VANGL1: variants seen among roughly 807,000 people sequenced by gnomAD.
The protein encoded by VANGL1 is vang-like protein 1.
Under a neutral mutation model 48.4 loss-of-function variants are expected in VANGL1, and 18 were observed. The ratio of observed to expected loss-of-function variants is 0.37; its 90% CI spans 0.26 to 0.55. The LOEUF (loss-of-function observed/expected upper bound fraction) is 0.55, where lower values mean the gene tolerates loss of function less well. Among genes scored for constraint, VANGL1 ranks in the 20% least tolerant of loss-of-function variants. The pLI is 0.81. For synonymous variants in VANGL1, 257 were observed against 261.8 expected, an observed-to-expected ratio of 0.98 and a Z score of 0.18; for missense variants, 667 against 675.8, an observed-to-expected ratio of 0.99 and a Z score of 0.14.
At chr1:115,686,395 ATC>A (rs1472833679) in intron 7 of VANGL1, among the ~76,000 whole-genome samples, 10 of 143,652 alleles carry the variant, frequency 7.0e-5, no homozygotes, top group Non-Finnish European at 1.4e-4. Context: ...AAAAAATGCC[ATC>A]AGGCATTTTG....
chr1:115,655,297 G>T (rs1652302980), intron 2 of VANGL1, among the ~76,000 whole-genome samples: 1 of 152,212 alleles, frequency 6.6e-6, no homozygotes, highest in East Asian at 1.9e-4. Flanking sequence ...ATCTTCCCAG[G>T]AAATGCTGAC....
At chr1:115,644,707 A>G (rs1447371435) in intron 1 of VANGL1, among the ~76,000 whole-genome samples, 1 of 152,222 alleles carries the variant, frequency 6.6e-6, no homozygotes, top group Non-Finnish European at 1.5e-5. Context: ...AAGTTTAAAT[A>G]TCTGGCAGGG....
rs1557778504 is a variant in VANGL1 at position 115,691,191 on chromosome 1, T to G, written c.1387T>G (p.Trp463Gly). The G allele has an allele frequency of 6.2e-7, 1 of 1,613,946 alleles. No homozygotes were observed. Among genetic ancestry groups the G allele is most frequent in the Non-Finnish European group, 8.5e-7 (1 of 1,179,902 alleles). ...CAAGGACCGCTGGCTCTCTACACAGTGGAGGCTTGTCAGTGATGAGGCTGT... is the reference window on the plus strand; with the variant it reads ...CAAGGACCGCTGGCTCTCTACACAGGGGAGGCTTGTCAGTGATGAGGCTGT... The part of the protein sequence containing the change: ...YDKDRWLSTQ[W>G]RLVSDEAVTN... The change falls in exon 8 of 8, where the codon TGG becomes GGG. Residue 463 changes from tryptophan to glycine, a missense_variant. Trp to Gly is a radical substitution (Grantham distance 184). Coordinates refer to ENST00000355485, the MANE Select transcript of VANGL1 (RefSeq NM_138959.3).
At chr1:115,691,031 T>C (rs1198215681) in intron 7 of VANGL1, 88 bp from the exon 8 acceptor site, 12 of 1,590,784 alleles carry the variant, frequency 7.5e-6, no homozygotes, top group African/African-American at 6.7e-5. Flanking sequence ...AAAAGTTCTT[T>C]ATAGATGTGA....
intron 4 of VANGL1, among the ~76,000 whole-genome samples, chr1:115,671,707 G>A (rs949035559): frequency 3.9e-5 from 6 of 152,224 alleles, no homozygotes; most frequent in Admixed American, 3.9e-4. Flanking sequence ...GACTGTGTAA[G>A]GAAATGGCAG....
chr1:115,651,713 A>G (rs559292546), intron 2 of VANGL1, among the ~76,000 whole-genome samples: 1 of 152,080 alleles, frequency 6.6e-6, no homozygotes, highest in African/African-American at 2.4e-5. Context: ...TTGGTTTTAA[A>G]TTAAAGTTTC....
At chr1:115,679,453 C>T (rs1293887554) in intron 4 of VANGL1, among the ~76,000 whole-genome samples, 2 of 152,216 alleles carry the variant, frequency 1.3e-5, no homozygotes, top group Non-Finnish European at 2.9e-5. Context: ...GGGCTGTGGA[C>T]TTGGCTTATT....
intron 4 of VANGL1, among the ~76,000 whole-genome samples, chr1:115,680,440 A>G (rs1369170822): frequency 2.0e-5 from 3 of 152,222 alleles, no homozygotes; most frequent in African/African-American, 4.8e-5. Flanking sequence ...TGACGAGTGA[A>G]CAACTGAGTA....
intron 4 of VANGL1, among the ~76,000 whole-genome samples, chr1:115,666,351 A>T (rs1301258777): frequency 6.6e-6 from 1 of 152,190 alleles, no homozygotes; most frequent in Non-Finnish European, 1.5e-5. Flanking sequence ...TGCACACTGC[A>T]TCTGAGTGGG....
At chr1:115,649,716 A>G (rs1175782172) in intron 1 of VANGL1, among the ~76,000 whole-genome samples, 2 of 152,230 alleles carry the variant, frequency 1.3e-5, no homozygotes, top group East Asian at 1.9e-4. Flanking sequence ...CTGATAGCTA[A>G]TAAGTGAGTA....
At chr1:115,684,765 G>C (rs905022452) in intron 6 of VANGL1, among the ~76,000 whole-genome samples, 1 of 152,176 alleles carries the variant, frequency 6.6e-6, no homozygotes, top group African/African-American at 2.4e-5. Flanking sequence ...TTCACCGTCA[G>C]GTCATATTCA....
intron 1 of VANGL1, among the ~76,000 whole-genome samples, chr1:115,643,196 T>TA (rs1557759255): frequency 6.6e-6 from 1 of 152,210 alleles, no homozygotes; most frequent in Non-Finnish European, 1.5e-5. Flanking sequence ...TAACAAACTG[T>TA]AAAAGAATCT....
rs756854094 is a variant in VANGL1 at position 115,659,778 on chromosome 1, G to T, written c.204+5G>T. 2 of 1,614,174 alleles carry T rather than the reference G, an allele frequency of 1.2e-6. No homozygotes were observed. The highest frequency in any genetic ancestry group is 2.7e-5 in the African/African-American group (2 of 75,048). ...ACTCGGACAGAGGAAGTTCAGGTAAGGATCAAAGGTGGTCTGTAAGCACAC... is the reference window on the plus strand; with the variant it reads ...ACTCGGACAGAGGAAGTTCAGGTAATGATCAAAGGTGGTCTGTAAGCACAC... On this transcript the variant is annotated splice_donor_5th_base_variant and intron_variant, in intron 3 of 7. Coordinates refer to ENST00000355485, the MANE Select transcript of VANGL1 (RefSeq NM_138959.3).
At chr1:115,679,937 GA>G (rs1448816571) in intron 4 of VANGL1, among the ~76,000 whole-genome samples, 1 of 151,556 alleles carries the variant, frequency 6.6e-6, no homozygotes, top group African/African-American at 2.4e-5. Context: ...AGGCACTCCA[GA>G]AAAGGCATGC....
chr1:115,672,223 T>TC (rs537335451), intron 4 of VANGL1, among the ~76,000 whole-genome samples: 43 of 152,306 alleles, frequency 2.8e-4, no homozygotes, highest in African/African-American at 9.6e-4. Flanking sequence ...TGATTCCACT[T>TC]CCTTGGCGCT....
chr1:115,655,062 G>A (rs973209369), intron 2 of VANGL1, among the ~76,000 whole-genome samples: 4 of 152,220 alleles, frequency 2.6e-5, no homozygotes, highest in African/African-American at 7.2e-5. Context: ...CCGGGGCAGT[G>A]AGGAATTGGT....
At position 115,691,127 on chromosome 1, in the gene VANGL1, A is replaced by G. The variant is rs893802026; in HGVS notation, c.1323A>G (p.Leu441=). ...ITNGMTPKAF[L]ERYLSAGPTL... is the part of the protein sequence containing the mutation. ...TTCTCCTCTGCTTCCAGGCCTTCCT[A>G]GAACGGTACCTCAGTGCGGGCCCCA... The change falls in exon 8 of 8, where the codon CTA becomes CTG. Residue 441 remains leucine, a synonymous_variant. Coordinates refer to ENST00000355485, the MANE Select transcript of VANGL1 (RefSeq NM_138959.3). The G allele has an allele frequency of 1.2e-6, 2 of 1,614,016 alleles. No homozygotes were observed. The highest frequency in any genetic ancestry group is 1.7e-5 in the Admixed American group (1 of 60,010).
At position 115,691,706 on chromosome 1, in the gene VANGL1, T is replaced by A; in HGVS notation, c.*327T>A. On this transcript the variant is annotated 3_prime_UTR_variant, in exon 8 of 8. Coordinates refer to ENST00000355485, the MANE Select transcript of VANGL1 (RefSeq NM_138959.3). ...CCTTACAACTAATTCCTGCCTTTCG[T>A]CCAGTACCAAGTCCCCCGTTGCTTC... 3.6e-6 allele frequency: 1 copy of A among 277,332 alleles called. No homozygotes were observed. Among genetic ancestry groups the A allele is most frequent in the Non-Finnish European group, 6.8e-6 (1 of 147,546 alleles). 17.2% of individuals were successfully genotyped at this position (277,332 alleles called of 1,614,324 possible).
chr1:115,660,891 TG>T (rs1437914498), intron 3 of VANGL1, among the ~76,000 whole-genome samples: 1 of 152,178 alleles, frequency 6.6e-6, no homozygotes, highest in African/African-American at 2.4e-5. Context: ...CTGCCTGCCT[TG>T]GCTCTGGGAT....
Sources: allele counts gnomAD v4.1 joint callset (sites outside exome capture counted in the v4.1 genomes callset), GRCh38; gene constraint gnomAD v4.1.1; transcripts MANE v1.5; gene names NCBI Gene and HGNC (gene_info 2026-07-23, HGNC 2026-07-21).